PHC2: variants seen among roughly 807,000 people sequenced by gnomAD.
The protein encoded by PHC2 is polyhomeotic homolog 2.
A neutral mutation model predicts 87.4 loss-of-function variants in PHC2; 29 were observed. The observed-to-expected ratio is 0.33, with a 90% CI of 0.25 to 0.45. PHC2 has a LOEUF of 0.45. PHC2 is among the 20% of genes least tolerant of loss of function. The pLI, the probability that PHC2 is intolerant of heterozygous loss-of-function variation, is 1.00. For missense variants in PHC2, 857 were observed against 1,136.7 expected (o/e 0.75, Z 3.54); for synonymous variants, 438 against 461.7 (o/e 0.95, Z 0.66).
At chr1:33,408,007 G>T (rs1453896075) in intron 1 of PHC2, among the ~76,000 whole-genome samples, 1 of 152,202 alleles carries the variant, frequency 6.6e-6, no homozygotes, top group Non-Finnish European at 1.5e-5. Flanking sequence ...GCTTTGAATG[G>T]TGAGTTTACC....
At chr1:33,354,654 A>C in intron 8 of PHC2, 88 bp from the exon 9 acceptor site, 4 of 1,436,160 alleles carry the variant, frequency 2.8e-6, no homozygotes, top group Non-Finnish European at 3.8e-6. Flanking sequence ...GAGCTTGGGA[A>C]GCAGGTAAGG....
intron 9 of PHC2, chr1:33,353,122 A>C (rs1647004163): frequency 6.6e-6 from 1 of 152,236 alleles, no homozygotes; most frequent in Middle Eastern, 3.2e-3. Context: ...ATTAATGAAA[A>C]GGTAGAATGT....
intron 9 of PHC2, among the ~76,000 whole-genome samples, chr1:33,340,934 G>A (rs1646733174): frequency 7.5e-6 from 1 of 132,570 alleles, no homozygotes; most frequent in Non-Finnish European, 1.6e-5. Flanking sequence ...GAGGGGGTGG[G>A]TAGTGATTGT....
Position 33,334,430 on chromosome 1 carries a change from C to T in PHC2, c.1559-138G>A. On this transcript the variant is annotated intron_variant, in intron 9 of 14. Coordinates refer to ENST00000683057, the MANE Select transcript of PHC2 (RefSeq NM_001385109.1). This position sits in a 1 kb window ranked among gnomAD's most constrained non-coding sequence, Gnocchi z 5.5. ...GACAATGCAAACCAAGCAGTCCCCT[C>T]CCCTCAGTGACCCATTTAAAAGTGG... 1.4e-6 allele frequency: 1 copy of T among 701,682 alleles called. No individual in the cohort carries two copies. The highest frequency in any genetic ancestry group is 2.4e-6 in the Non-Finnish European group (1 of 412,652). 43.5% of individuals were successfully genotyped at this position (701,682 alleles called of 1,614,324 possible).
chr1:33,355,360 A>C, intron 7 of PHC2, 107 bp from the exon 8 acceptor site: 1 of 975,202 alleles, frequency 1.0e-6, no homozygotes, highest in Non-Finnish European at 1.5e-6. Flanking sequence ...TCCCAAATTC[A>C]ATGTCTCTTG....
chr1:33,426,072 G>A (rs1298754274), intron 1 of PHC2, among the ~76,000 whole-genome samples: 2 of 152,120 alleles, frequency 1.3e-5, no homozygotes, highest in African/African-American at 4.8e-5. Context: ...GAAGTGAGAG[G>A]AGCAAGAGGA....
chr1:33,350,044 G>T, intron 9 of PHC2: 2 of 193,468 alleles, frequency 1.0e-5, no homozygotes, highest in Non-Finnish European at 1.9e-5. Flanking sequence ...CGCGCCCTCC[G>T]GAAGGCGGGT....
chr1:33,350,020 G>A (rs1000512582), intron 9 of PHC2: 62 of 232,648 alleles, frequency 2.7e-4, no homozygotes, highest in African/African-American at 1.3e-3. Flanking sequence ...TCCTTTGTGC[G>A]GCGAGCCCCG....
Position 33,349,249 on chromosome 1 carries a change from T to C in PHC2, c.1558+5152A>G. The C allele has an allele frequency of 1.0e-6, 1 of 985,260 alleles. No homozygotes were observed. The highest frequency in any genetic ancestry group is 1.2e-6 in the Non-Finnish European group (1 of 829,916). The allele number at this position is 985,260 out of a possible 1,614,324, so 61.0% of individuals were successfully genotyped here. ...TAAAGTACGGCAGATGCCAGCAGTC[T>C]CGTCCCCGAACGCACCGTCCGTCCC... On this transcript the variant is annotated intron_variant, in intron 9 of 14. Coordinates refer to ENST00000683057, the MANE Select transcript of PHC2 (RefSeq NM_001385109.1). The surrounding 1 kb of genome is among the most constrained non-coding windows in gnomAD (Gnocchi z 4.2).
At chr1:33,352,953 T>C (rs1647000761) in intron 9 of PHC2, among the ~76,000 whole-genome samples, 1 of 152,208 alleles carries the variant, frequency 6.6e-6, no homozygotes, top group African/African-American at 2.4e-5. Context: ...CTTGGAACAG[T>C]ACTCAGCATA....
At chr1:33,401,359 A>T (rs1032242276) in intron 1 of PHC2, among the ~76,000 whole-genome samples, 4 of 152,194 alleles carry the variant, frequency 2.6e-5, no homozygotes, top group Non-Finnish European at 5.9e-5. Flanking sequence ...TTAATTCTAA[A>T]ATATATATGG....
chr1:33,396,960 T>C (rs2148369920), intron 1 of PHC2, among the ~76,000 whole-genome samples: 1 of 152,286 alleles, frequency 6.6e-6, no homozygotes, highest in South Asian at 2.1e-4. Context: ...CCACTCGCTC[T>C]TTGGTTTAGT....
chr1:33,327,468 AACTACATGGCTT>A (rs1478742810), intron 14 of PHC2, among the ~76,000 whole-genome samples: 2 of 152,168 alleles, frequency 1.3e-5, no homozygotes, highest in East Asian at 3.8e-4. Flanking sequence ...GGTCATGGTG[AACTACATGGCTT>A]GTCTCTGAAT....
chr1:33,356,938 C>T (rs1411955311), intron 7 of PHC2, among the ~76,000 whole-genome samples: 3 of 152,202 alleles, frequency 2.0e-5, no homozygotes, highest in African/African-American at 4.8e-5. Context: ...ACCTCCCTCC[C>T]GGACGGGGCG....
In PHC2 at chr1:33,349,714, G is replaced by A. The variant is rs1331019200; in HGVS notation, c.1558+4687C>T. On this transcript the variant is annotated intron_variant, in intron 9 of 14. Coordinates refer to ENST00000683057, the MANE Select transcript of PHC2 (RefSeq NM_001385109.1). The surrounding 1 kb of genome is among the most constrained non-coding windows in gnomAD (Gnocchi z 4.2). ...CGCCTCCTCTCCGCCGGGAGCCTCC[G>A]AGCCGGGGCCCGGGGCTGCCGCGGC... The A allele has an allele frequency of 1.1e-5, 11 of 993,956 alleles. No homozygotes were observed. The highest frequency in any genetic ancestry group is 5.6e-5 in the Admixed American group (1 of 17,898). The allele number at this position is 993,956 out of a possible 1,614,324, so 61.6% of individuals were successfully genotyped here.
intron 1 of PHC2, 64 bp downstream of exon 1, chr1:33,430,912 G>C (rs980769091): frequency 1.1e-4 from 16 of 150,828 alleles, no homozygotes; most frequent in African/African-American, 3.6e-4. Flanking sequence ...GCGGCGGCCG[G>C]TGTCCCCCGC....
At chr1:33,401,131 C>T (rs1187393020) in intron 1 of PHC2, among the ~76,000 whole-genome samples, 1 of 152,026 alleles carries the variant, frequency 6.6e-6, no homozygotes, top group Non-Finnish European at 1.5e-5. Context: ...TCCAAACCAT[C>T]CTGGCTAACA....
At chr1:33,362,435 G>T (rs1305845197) in intron 7 of PHC2, among the ~76,000 whole-genome samples, 2 of 152,142 alleles carry the variant, frequency 1.3e-5, no homozygotes, top group African/African-American at 4.8e-5. Flanking sequence ...AAAAAAACTT[G>T]TATGCAGTGG....
chr1:33,402,070 G>A (rs980203039), intron 1 of PHC2, among the ~76,000 whole-genome samples: 2 of 152,026 alleles, frequency 1.3e-5, no homozygotes, highest in African/African-American at 2.4e-5. Flanking sequence ...ATAACAAAAA[G>A]AGAATTTGCA....
Sources: allele counts gnomAD v4.1 joint callset (sites outside exome capture counted in the v4.1 genomes callset), GRCh38; gene constraint gnomAD v4.1.1; non-coding constraint Gnocchi (gnomAD v3.1); transcripts MANE v1.5; gene names NCBI Gene and HGNC (gene_info 2026-07-23, HGNC 2026-07-21).